SEMA3A: variants seen among roughly 807,000 people sequenced by gnomAD.
SEMA3A encodes the protein semaphorin-3A.
SEMA3A carries 29 observed loss-of-function variants against 97.9 expected under a neutral mutation model. The observed-to-expected ratio is 0.30, with a 90% CI of 0.22 to 0.40. SEMA3A has a LOEUF of 0.40. Among genes scored for constraint, SEMA3A ranks in the 10% least tolerant of loss-of-function variants. The pLI is 1.00. For synonymous variants in SEMA3A, 321 were observed against 323.7 expected, an observed-to-expected ratio of 0.99 and a Z score of 0.09; for missense variants, 763 against 951.3, an observed-to-expected ratio of 0.80 and a Z score of 2.60.
chr7:84,167,551 CACA>C (rs1797251476), intron 1 of SEMA3A, among the ~76,000 whole-genome samples: 1 of 152,046 alleles, frequency 6.6e-6, no homozygotes, highest in Non-Finnish European at 1.5e-5. Flanking sequence ...AACATCCAGA[CACA>C]TAGAGAGATG....
intron 3 of SEMA3A, among the ~76,000 whole-genome samples, chr7:84,284,671 G>A (rs1170465814): frequency 6.6e-6 from 1 of 152,154 alleles, no homozygotes; most frequent in Non-Finnish European, 1.5e-5. Flanking sequence ...TAGGAATTGT[G>A]TCTTATGAAC....
chr7:84,157,621 T>A (rs1334998731), intron 1 of SEMA3A, among the ~76,000 whole-genome samples: 1 of 152,212 alleles, frequency 6.6e-6, no homozygotes, highest in African/African-American at 2.4e-5. Context: ...CTAAGGTATC[T>A]TCAACATTTT....
At chr7:84,076,457 T>A (rs1793953214) in intron 4 of SEMA3A, among the ~76,000 whole-genome samples, 1 of 152,120 alleles carries the variant, frequency 6.6e-6, no homozygotes, top group Non-Finnish European at 1.5e-5. Context: ...AAAACCTGAT[T>A]TTTTTGTACT....
intron 6 of SEMA3A, among the ~76,000 whole-genome samples, chr7:84,036,839 G>A (rs1009598901): frequency 2.0e-5 from 3 of 151,924 alleles, no homozygotes; most frequent in Admixed American, 1.3e-4. Flanking sequence ...ATTAATATAT[G>A]TTCCAGTAAC....
chr7:84,170,195 CATT>C (rs1466787573), intron 1 of SEMA3A, among the ~76,000 whole-genome samples: 5 of 151,906 alleles, frequency 3.3e-5, no homozygotes, highest in South Asian at 2.1e-4. Flanking sequence ...TACAATGACT[CATT>C]ATCTTGTAAC....
chr7:84,007,374 G>A lies in SEMA3A; in HGVS notation c.1119C>T (p.Val373=). Residue 373 remains valine, a synonymous_variant, in exon 10 of 17, where the codon GTC becomes GTT. Coordinates refer to ENST00000265362, the MANE Select transcript of SEMA3A (RefSeq NM_006080.3). ...TTACAGTTCCTGGCCGTGGATAGGG[G>A]ACTCTTCCTTGATAAGGCACCCATT... is the stretch of plus-strand genomic sequence containing the variant. ...NYQWVPYQGR[V]PYPRPGTCPS... The A allele has an allele frequency of 6.2e-7, 1 of 1,607,292 alleles. No individual in the cohort carries two copies. Among genetic ancestry groups the A allele is most frequent in the African/African-American group, 1.3e-5 (1 of 74,710 alleles).
rs1802686616 is a variant in SEMA3A at position 84,360,382 on chromosome 7, G to A, written c.-169+11442C>T. 1.3e-5 allele frequency among the ~76,000 whole-genome samples: 2 copies of A among 151,898 alleles called. 1 individual carries two copies. Among genetic ancestry groups the A allele is most frequent in the South Asian group, 4.2e-4 (2 of 4,812 alleles). The stretch of plus-strand genomic sequence containing the variant: ...GGTTTCAAAGAACATCTTTATTTCG[G>A]CCTTCATTTCGTTATGTACCCAGTA... On this transcript the variant is annotated intron_variant, in intron 2 of 3. Coordinates refer to the SEMA3A transcript ENST00000424555.
At chr7:84,087,527 A>C (rs1040921127) in intron 4 of SEMA3A, among the ~76,000 whole-genome samples, 5 of 152,160 alleles carry the variant, frequency 3.3e-5, no homozygotes, top group African/African-American at 1.2e-4. Flanking sequence ...AAACTTTCAC[A>C]ATATTCATGT....
At chr7:83,978,240 A>G (rs1440119807) in intron 14 of SEMA3A, among the ~76,000 whole-genome samples, 2 of 152,192 alleles carry the variant, frequency 1.3e-5, no homozygotes, top group Admixed American at 1.3e-4. Context: ...CAGAGGAATG[A>G]GAGAGAGAAT....
Position 84,480,728 on chromosome 7 carries a change from G to A in SEMA3A, c.-246+11732C>T, listed in dbSNP as rs577581168. ...CTCTTTTTAAAACGTAACTACCCCC[G>A]AAGTGTTAGAACTTTATCAATTTAA... On this transcript the variant is annotated intron_variant, in intron 1 of 3. Transcript: ENST00000424555. Among the ~76,000 whole-genome samples the A allele has an allele frequency of 7.7e-4, 117 of 152,136 alleles. No individual in the cohort carries two copies. In the Middle Eastern group the frequency reaches 0.014, roughly 18 times the overall value.
intron 1 of SEMA3A, among the ~76,000 whole-genome samples, chr7:84,455,863 A>C (rs1805673075): frequency 6.6e-6 from 1 of 151,992 alleles, no homozygotes; most frequent in African/African-American, 2.4e-5. Context: ...TAGTAACCAA[A>C]TACTCTAAAT....
chr7:84,348,436 A>G (rs1262518602), intron 2 of SEMA3A, among the ~76,000 whole-genome samples: 6 of 152,178 alleles, frequency 3.9e-5, no homozygotes, highest in Admixed American at 2.6e-4. Context: ...ATTATTATTT[A>G]GTATTTCTGA....
upstream of SEMA3A, among the ~76,000 whole-genome samples, chr7:84,200,050 C>A (rs1481678447): frequency 1.3e-5 from 2 of 151,906 alleles, no homozygotes; most frequent in Non-Finnish European, 2.9e-5. Flanking sequence ...TCTTCCCTCT[C>A]CCTTTGACTC....
chr7:84,491,078 CA>C (rs2116453511), intron 1 of SEMA3A, among the ~76,000 whole-genome samples: 2 of 152,278 alleles, frequency 1.3e-5, no homozygotes, highest in South Asian at 4.1e-4. Flanking sequence ...CCTCTCATAG[CA>C]GCAACTTTAT....
At chr7:84,402,502 C>A (rs924906841) in intron 1 of SEMA3A, among the ~76,000 whole-genome samples, 1 of 152,094 alleles carries the variant, frequency 6.6e-6, no homozygotes, top group Non-Finnish European at 1.5e-5. Flanking sequence ...GGGTATGTAT[C>A]CCAAAGAAAG....
chr7:84,287,799 C>G (rs539023763), intron 3 of SEMA3A, among the ~76,000 whole-genome samples: 3 of 152,218 alleles, frequency 2.0e-5, no homozygotes, highest in South Asian at 2.1e-4. Context: ...TATCTGAAAA[C>G]TCAGCATGTA....
intron 3 of SEMA3A, among the ~76,000 whole-genome samples, chr7:84,231,134 T>C (rs1799107913): frequency 6.6e-6 from 1 of 151,998 alleles, no homozygotes; most frequent in Non-Finnish European, 1.5e-5. Context: ...CACACCAACT[T>C]TGGAGTATCT....
chr7:84,466,918 C>T (rs1263235317), intron 1 of SEMA3A, among the ~76,000 whole-genome samples: 5 of 152,100 alleles, frequency 3.3e-5, no homozygotes, highest in Non-Finnish European at 5.9e-5. Context: ...AAAGAAAGTT[C>T]TTCATAAACT....
At chr7:84,371,118 AT>A (rs1802964404) in intron 2 of SEMA3A, among the ~76,000 whole-genome samples, 2 of 151,750 alleles carry the variant, frequency 1.3e-5, no homozygotes, top group Admixed American at 6.6e-5. Context: ...ATCAGTAGTT[AT>A]TGACAGAAAC....
Sources: gnomAD v4.1 joint callset for allele counts (sites outside exome capture counted in the v4.1 genomes callset) on GRCh38, gnomAD v4.1.1 for gene constraint, MANE v1.5 for transcripts, NCBI Gene and HGNC (gene_info 2026-07-23, HGNC 2026-07-21) for gene names.